STAU2: variants seen among roughly 807,000 people sequenced by gnomAD.
STAU2 encodes double-stranded RNA-binding protein Staufen homolog 2.
A neutral mutation model predicts 65.9 loss-of-function variants in STAU2; 20 were observed. The ratio of observed to expected loss-of-function variants is 0.30; its 90% CI spans 0.21 to 0.44. The LOEUF (loss-of-function observed/expected upper bound fraction) is 0.44. STAU2 is among the 20% of genes least tolerant of loss of function. The probability of loss-of-function intolerance (pLI) is 1.00; values close to 1 mark genes in which losing one functional copy is unlikely to be tolerated. For synonymous variants in STAU2, 232 were observed against 233.9 expected (o/e 0.99, Z 0.07); for missense variants, 558 against 683.9 (o/e 0.82, Z 2.05).
chr8:73,468,717 C>A (rs1305994268), intron 13 of STAU2, among the ~76,000 whole-genome samples: 2 of 152,226 alleles, frequency 1.3e-5, no homozygotes, highest in African/African-American at 4.8e-5. Flanking sequence ...CTCATCATCA[C>A]TGGCCATCAG....
At chr8:73,736,712 G>A (rs1006872117) in intron 3 of STAU2, among the ~76,000 whole-genome samples, 4 of 152,080 alleles carry the variant, frequency 2.6e-5, no homozygotes, top group Admixed American at 2.0e-4. Context: ...AGATCAAGGT[G>A]GTAAATGCTA....
At chr8:73,739,699 G>A in intron 2 of STAU2, 57 bp downstream of exon 2, 1 of 1,402,672 alleles carries the variant, frequency 7.1e-7, no homozygotes. Flanking sequence ...GCTGTATAAA[G>A]AGCACACGGC....
At chr8:73,738,704 T>C (rs2130779173) in intron 2 of STAU2, among the ~76,000 whole-genome samples, 1 of 152,198 alleles carries the variant, frequency 6.6e-6, no homozygotes, top group East Asian at 1.9e-4. Flanking sequence ...CCAACAAAAG[T>C]GAAGCTGTTA....
rs539581440 is a variant in STAU2, at chr8:73,529,419, T to C, written c.1530+22593A>G. ...TGCTCTTTTAAAATTTAATAAAATA[T>C]AATTACCCTTTCGACACCAACTGAA... On this transcript the variant is annotated intron_variant, in intron 13 of 14. Coordinates refer to ENST00000524300, the MANE Select transcript of STAU2 (RefSeq NM_001164380.2). Among the ~76,000 whole-genome samples the C allele has an allele frequency of 9.8e-5, 15 of 152,292 alleles. No individual in the cohort carries two copies. In the East Asian group the frequency reaches 2.7e-3, roughly 27 times the overall value.
At chr8:73,688,006 G>T (rs12155731) in intron 5 of STAU2, among the ~76,000 whole-genome samples, 82,442 of 150,222 alleles carry the variant, frequency 0.55, 24,912 homozygotes, top group Non-Finnish European at 0.69. Context: ...GAGCCACCGC[G>T]CCCGGCCTAC....
intron 13 of STAU2, among the ~76,000 whole-genome samples, chr8:73,509,921 T>A (rs1243238826): frequency 6.6e-6 from 1 of 152,188 alleles, no homozygotes; most frequent in East Asian, 1.9e-4. Context: ...GGCATAAAAC[T>A]GTTAGAAATG....
chr8:73,708,991 G>C, intron 4 of STAU2, 41 bp downstream of exon 4: 1 of 1,444,674 alleles, frequency 6.9e-7, no homozygotes, highest in South Asian at 1.5e-5. Context: ...AAATCTGTTA[G>C]TCTGATAAGT....
At chr8:73,626,234 T>G (rs1003168608) in intron 6 of STAU2, among the ~76,000 whole-genome samples, 2 of 152,160 alleles carry the variant, frequency 1.3e-5, no homozygotes, top group African/African-American at 4.8e-5. Flanking sequence ...ATTCTAGGCA[T>G]GGAAATGCCA....
chr8:73,579,030 A>G (rs977158128), intron 12 of STAU2, among the ~76,000 whole-genome samples: 2 of 145,386 alleles, frequency 1.4e-5, no homozygotes, highest in Non-Finnish European at 1.5e-5. Context: ...TTCTAAATAT[A>G]GTACATAGCA....
rs1822639999 is a variant in STAU2, at chr8:73,515,229, C to G, written c.1530+36783G>C. On this transcript the variant is annotated intron_variant, in intron 13 of 14. Transcript: ENST00000524300. The stretch of plus-strand genomic sequence containing the variant: ...TTAGTTCCTAGACCATGGGGAAGTC[C>G]CAGAGGTCCTGGACATGAGGCCATG... Among the ~76,000 whole-genome samples the G allele has an allele frequency of 2.0e-5, 3 of 152,086 alleles. No homozygotes were observed. In the South Asian group the frequency reaches 6.2e-4, roughly 32 times the overall value.
At chr8:73,551,467 T>A in intron 13 of STAU2, 1 of 986,744 alleles carries the variant, frequency 1.0e-6, no homozygotes, top group South Asian at 4.7e-5. Flanking sequence ...ATAAAGCATT[T>A]CATTATTCTT....
chr8:73,472,865 G>C (rs1329616235), intron 13 of STAU2, among the ~76,000 whole-genome samples: 1 of 152,152 alleles, frequency 6.6e-6, no homozygotes, highest in Non-Finnish European at 1.5e-5. Context: ...AATTCATTAA[G>C]TGAGAGCAAG....
At position 73,733,308 on chromosome 8, in the gene STAU2, G is replaced by A. The variant is rs140111120; in HGVS notation, c.-18+4976C>T. Among the ~76,000 whole-genome samples the A allele has an allele frequency of 8.5e-3, 1,299 of 152,144 alleles. 11 individuals carry two copies. Among genetic ancestry groups the A allele is most frequent in the Middle Eastern group, 0.048 (14 of 294 alleles). ...AATATAGACTTTTCCAATTCCTTAGGACACACTGACCTGTCAAGCCTACCT... is the reference window on the plus strand; with the variant it reads ...AATATAGACTTTTCCAATTCCTTAGAACACACTGACCTGTCAAGCCTACCT... On this transcript the variant is annotated intron_variant, in intron 3 of 14. Transcript: ENST00000524300.
intron 5 of STAU2, among the ~76,000 whole-genome samples, chr8:73,674,260 G>C (rs569404886): frequency 9.2e-5 from 14 of 151,728 alleles, no homozygotes; most frequent in Non-Finnish European, 1.9e-4. Context: ...CAAAAGGGGT[G>C]GGGGAGCAAT....
intron 13 of STAU2, among the ~76,000 whole-genome samples, chr8:73,445,732 G>A (rs1028891853): frequency 4.6e-5 from 7 of 152,126 alleles, no homozygotes; most frequent in African/African-American, 7.2e-5. Flanking sequence ...GAGGATTTAC[G>A]GATGGCAAAC....
intron 12 of STAU2, chr8:73,561,417 AG>A (rs1310284320): frequency 2.6e-6 from 1 of 390,438 alleles, no homozygotes; most frequent in Non-Finnish European, 5.0e-6. Flanking sequence ...GCACCTTGTG[AG>A]GATAATGAGT....
intron 6 of STAU2, among the ~76,000 whole-genome samples, chr8:73,632,382 CTTAAGTATT>C (rs1814166579): frequency 1.3e-5 from 2 of 152,046 alleles, no homozygotes; most frequent in African/African-American, 4.8e-5. Context: ...TATAAGGTTC[CTTAAGTATT>C]TGAGGAATCA....
intron 8 of STAU2, among the ~76,000 whole-genome samples, chr8:73,615,147 T>A (rs1340450982): frequency 6.6e-6 from 1 of 152,132 alleles, no homozygotes; most frequent in African/African-American, 2.4e-5. Flanking sequence ...ATTATTTTTT[T>A]AAGTTTTCTT....
chr8:73,476,791 A>G (rs1460960534), intron 13 of STAU2, among the ~76,000 whole-genome samples: 1 of 152,158 alleles, frequency 6.6e-6, no homozygotes. Flanking sequence ...CTTTCATGGC[A>G]TTTATACCCA....
Sources: gnomAD v4.1 joint callset for allele counts (sites outside exome capture counted in the v4.1 genomes callset) on GRCh38, gnomAD v4.1.1 for gene constraint, MANE v1.5 for transcripts, NCBI Gene and HGNC (gene_info 2026-07-23, HGNC 2026-07-21) for gene names.